Variants in ZNF365 observed in about 807,000 individuals in gnomAD.
ZNF365 encodes the protein zinc finger protein 365.
A neutral mutation model predicts 35.0 loss-of-function variants in ZNF365; 22 were observed. That is an observed-to-expected ratio of 0.63 (90% CI 0.45 to 0.90). The LOEUF is 0.90. Among genes scored for constraint, ZNF365 ranks in the 40% least tolerant of loss-of-function variants. The probability of loss-of-function intolerance (pLI) is 0.00; values close to 1 mark genes in which losing one functional copy is unlikely to be tolerated. For synonymous variants in ZNF365, 188 were observed against 196.2 expected (o/e 0.96, Z 0.35); for missense variants, 448 against 500.3 (o/e 0.90, Z 1.00).
intron 3 of ZNF365, among the ~76,000 whole-genome samples, chr10:62,394,997 T>C (rs1345587377): frequency 2.0e-5 from 3 of 152,118 alleles, no homozygotes; most frequent in Non-Finnish European, 4.4e-5. Context: ...AGCTCAGGTA[T>C]GCAAGCAAGA....
intron 2 of ZNF365, among the ~76,000 whole-genome samples, chr10:62,385,627 G>A (rs1839512763): frequency 6.6e-6 from 1 of 152,150 alleles, no homozygotes; most frequent in Non-Finnish European, 1.5e-5. Flanking sequence ...ACTGGATATT[G>A]ACAGTAGTTG....
chr10:62,422,166 C>T (rs1014776088), intron 3 of ZNF365, among the ~76,000 whole-genome samples: 1 of 152,082 alleles, frequency 6.6e-6, no homozygotes, highest in African/African-American at 2.4e-5. Flanking sequence ...TTTTAGATGC[C>T]TTGATAACTG....
intron 3 of ZNF365, among the ~76,000 whole-genome samples, chr10:62,389,532 A>C (rs1839589821): frequency 6.6e-6 from 1 of 152,156 alleles, no homozygotes; most frequent in South Asian, 2.1e-4. Context: ...AAAGATTAGC[A>C]AGGTTGCTAT....
rs1429357872 is a variant in ZNF365 at position 62,399,803 on chromosome 10, G to A, written c.*14G>A. 3 of 1,601,980 alleles carry A rather than the reference G, an allele frequency of 1.9e-6. No individual in the cohort carries two copies. The highest frequency in any genetic ancestry group is 1.1e-5 in the South Asian group (1 of 90,504). On this transcript the variant is annotated 3_prime_UTR_variant, in exon 5 of 5. Transcript: ENST00000395254. ...AACATCATCTAAAAGGGTGGGTGGT[G>A]CTGGACCAATCATCGCTGGGCTTTG...
At chr10:62,459,586 C>T (rs1840814165) in intron 3 of ZNF365, among the ~76,000 whole-genome samples, 1 of 152,174 alleles carries the variant, frequency 6.6e-6, no homozygotes. Context: ...TTGCAATTAG[C>T]ACATTAATGC....
chr10:62,455,137 G>T (rs144232997), intron 3 of ZNF365, among the ~76,000 whole-genome samples: 1 of 152,144 alleles, frequency 6.6e-6, no homozygotes, highest in South Asian at 2.1e-4. Flanking sequence ...ACAGAAAAAC[G>T]CTGACAGGTT....
intron 4 of ZNF365, 43 bp downstream of exon 4, chr10:62,398,820 T>C (rs1839774807): frequency 6.4e-7 from 1 of 1,559,820 alleles, no homozygotes; most frequent in Admixed American, 1.8e-5. Flanking sequence ...ATAATGTTTG[T>C]ATTGTATGTT....
chr10:62,411,890 C>T (rs1309730727), intron 3 of ZNF365, among the ~76,000 whole-genome samples: 1 of 151,910 alleles, frequency 6.6e-6, no homozygotes, highest in Non-Finnish European at 1.5e-5. Context: ...CATCAAAAAG[C>T]TAGAAAGATC....
chr10:62,480,048 C>T (rs73282669), exon 5 of ZNF365: 46,523 of 1,379,602 alleles, frequency 0.034, 893 homozygotes, highest in Middle Eastern at 0.061. Flanking sequence ...TACTTGGTGA[C>T]TTTACTCACC....
At chr10:62,444,209 G>A (rs1458427880) in intron 3 of ZNF365, among the ~76,000 whole-genome samples, 1 of 152,130 alleles carries the variant, frequency 6.6e-6, no homozygotes, top group Non-Finnish European at 1.5e-5. Flanking sequence ...CTCCCCAGAT[G>A]CATTCTCTGC....
At chr10:62,434,278 A>T (rs1840375294) in intron 3 of ZNF365, among the ~76,000 whole-genome samples, 1 of 150,200 alleles carries the variant, frequency 6.7e-6, no homozygotes, top group Non-Finnish European at 1.5e-5. Flanking sequence ...AGCAAACCTT[A>T]TTTTTTTTTT....
chr10:62,391,993 G>A lies in ZNF365; in HGVS notation c.924+3417G>A, dbSNP rs563733754. On this transcript the variant is annotated intron_variant, in intron 3 of 4. Coordinates refer to ENST00000395254, the MANE Select transcript of ZNF365 (RefSeq NM_014951.3). Reference sequence around the variant, plus strand: ...TTGTGGTTTTGATTTGCATTTCCCTGATCATTAGTAATGTCGAGCATTTTT... The same window carrying A: ...TTGTGGTTTTGATTTGCATTTCCCTAATCATTAGTAATGTCGAGCATTTTT... Among the ~76,000 whole-genome samples the A allele has an allele frequency of 1.3e-4, 20 of 152,286 alleles. No individual in the cohort carries two copies. The South Asian group carries it at 4.1e-3, about 32-fold the overall frequency.
At chr10:62,420,784 C>CT (rs10715709) in intron 3 of ZNF365, among the ~76,000 whole-genome samples, 35 of 148,132 alleles carry the variant, frequency 2.4e-4, no homozygotes, top group African/African-American at 4.7e-4. Flanking sequence ...TGTTTTCAGG[C>CT]TTTTTTTTTT....
chr10:62,478,487 C>T (rs1385972832), intron 4 of ZNF365, among the ~76,000 whole-genome samples: 2 of 152,232 alleles, frequency 1.3e-5, no homozygotes, highest in Non-Finnish European at 2.9e-5. Flanking sequence ...AATTATAGAA[C>T]ATGATCTCCT....
At chr10:62,414,651 A>T (rs1268169981) in intron 3 of ZNF365, among the ~76,000 whole-genome samples, 1 of 151,850 alleles carries the variant, frequency 6.6e-6, no homozygotes, top group Non-Finnish European at 1.5e-5. Flanking sequence ...TCTGCTACAC[A>T]CCCAAATTCT....
chr10:62,399,784 A>T lies in ZNF365; in HGVS notation c.1219A>T (p.Ile407Phe). The change falls in exon 5 of 5, where the codon ATC becomes TTC. Residue 407 changes from isoleucine (I) to phenylalanine (F), a missense_variant. This residue lies in a region of ZNF365 where 362 missense variants were observed against 375.7 expected (regional missense o/e 0.96). Coordinates refer to ENST00000395254, the MANE Select transcript of ZNF365 (RefSeq NM_014951.3). The part of the protein sequence containing the change: ...KKKPTAIVNI[I>F] ...AAAGCCAACAGCCATTGTGAACATC[A>T]TCTAAAAGGGTGGGTGGTGCTGGAC... 4.3e-6 allele frequency: 7 copies of T among 1,611,924 alleles called. No homozygotes were observed. The highest frequency in any genetic ancestry group is 5.1e-6 in the Non-Finnish European group (6 of 1,179,136).
intron 3 of ZNF365, among the ~76,000 whole-genome samples, chr10:62,416,902 C>T (rs2132444213): frequency 6.6e-6 from 1 of 152,046 alleles, no homozygotes; most frequent in South Asian, 2.1e-4. Flanking sequence ...GATGCTTAAC[C>T]TGTATTACTA....
Position 62,401,803 on chromosome 10 carries a change from G to A in ZNF365, c.*2014G>A. On this transcript the variant is annotated 3_prime_UTR_variant, in exon 5 of 5. Coordinates refer to ENST00000395254, the MANE Select transcript of ZNF365 (RefSeq NM_014951.3). The stretch of plus-strand genomic sequence containing the variant: ...TTTTGGATTTTCATCTAACATAGAG[G>A]GCATGGCAACTCTCTTTGACAGTGG... 1 of 985,386 alleles carries A rather than the reference G, an allele frequency of 1.0e-6. No individual in the cohort carries two copies. Among genetic ancestry groups the A allele is most frequent in the Non-Finnish European group, 1.2e-6 (1 of 829,898 alleles). The allele number at this position is 985,386 out of a possible 1,614,324, so 61.0% of individuals were successfully genotyped here.
downstream of ZNF365, among the ~76,000 whole-genome samples, chr10:62,407,035 C>A (rs117512010): frequency 3.8e-3 from 575 of 152,328 alleles, 3 homozygotes; most frequent in Middle Eastern, 6.8e-3. Context: ...CAGTATGGAA[C>A]CAGGCAGAGC....
Sources: allele counts gnomAD v4.1 joint callset (sites outside exome capture counted in the v4.1 genomes callset), GRCh38; gene constraint gnomAD v4.1.1; regional missense constraint gnomAD v4.1.1; transcripts MANE v1.5; gene names NCBI Gene and HGNC (gene_info 2026-07-23, HGNC 2026-07-21).